Variants in ST6GAL1 observed in about 807,000 individuals in gnomAD.
The protein encoded by ST6GAL1 is ST6 beta-galactoside alpha-2,6-sialyltransferase 1.
Under a neutral mutation model 38.0 loss-of-function variants are expected in ST6GAL1, and 20 were observed. The observed-to-expected ratio is 0.53, with a 90% CI of 0.37 to 0.77. The LOEUF (loss-of-function observed/expected upper bound fraction) is 0.77, where lower values mean the gene tolerates loss of function less well. ST6GAL1 is among the 30% of genes least tolerant of loss of function. The pLI is 0.00. For synonymous variants in ST6GAL1, 196 were observed against 188.2 expected, an observed-to-expected ratio of 1.04 and a Z score of -0.34; for missense variants, 432 against 496.4, an observed-to-expected ratio of 0.87 and a Z score of 1.23.
intron 2 of ST6GAL1, among the ~76,000 whole-genome samples, chr3:187,033,388 G>A (rs1307116196): frequency 2.0e-5 from 3 of 151,456 alleles, no homozygotes; most frequent in South Asian, 4.2e-4. Context: ...TGCCTGGGCC[G>A]ACAGAGAGAG....
At chr3:186,999,558 T>C (rs1475412302) in intron 2 of ST6GAL1, among the ~76,000 whole-genome samples, 1 of 151,540 alleles carries the variant, frequency 6.6e-6, no homozygotes, top group Non-Finnish European at 1.5e-5. Context: ...ACTACAGGAG[T>C]GCACCACTGC....
At chr3:187,044,075 A>C (rs1158018507) in intron 4 of ST6GAL1, among the ~76,000 whole-genome samples, 1 of 152,206 alleles carries the variant, frequency 6.6e-6, no homozygotes, top group African/African-American at 2.4e-5. Context: ...TGTAGACTGC[A>C]GTTTATTCTC....
At chr3:186,936,672 G>A (rs939409944) in intron 1 of ST6GAL1, among the ~76,000 whole-genome samples, 1 of 152,108 alleles carries the variant, frequency 6.6e-6, no homozygotes, top group Non-Finnish European at 1.5e-5. Flanking sequence ...TGGGCACAGC[G>A]GCTCATGCCT....
chr3:187,069,137 T>C (rs1719274643), intron 5 of ST6GAL1, among the ~76,000 whole-genome samples: 1 of 149,378 alleles, frequency 6.7e-6, no homozygotes, highest in Admixed American at 6.7e-5. Flanking sequence ...AACTTCTTCT[T>C]TTTTTTTTTT....
chr3:187,047,975 C>T (rs569341815), intron 4 of ST6GAL1, among the ~76,000 whole-genome samples: 2 of 146,386 alleles, frequency 1.4e-5, no homozygotes, highest in Admixed American at 6.9e-5. Context: ...CAGAGTCTTG[C>T]TCTGTTGCCC....
chr3:186,984,917 C>T lies in ST6GAL1; in HGVS notation c.-183+20991C>T, dbSNP rs191468086. 2.9e-3 allele frequency among the ~76,000 whole-genome samples: 437 copies of T among 149,258 alleles called. 2 individuals are homozygous for T. The highest frequency in any genetic ancestry group is 0.01 in the African/African-American group (420 of 40,400). On this transcript the variant is annotated intron_variant, in intron 2 of 7. Coordinates refer to ENST00000169298, the MANE Select transcript of ST6GAL1 (RefSeq NM_173216.2). The stretch of plus-strand genomic sequence containing the variant: ...CTCTCTTTCTCTGTCTCTCTCTTTT[C>T]TTTCTTTCTGAGATAGGGTCTCGCT...
rs1055943182 is a variant in ST6GAL1 at position 186,952,949 on chromosome 3, A to C, written c.-324-10836A>C. 9.9e-5 allele frequency among the ~76,000 whole-genome samples: 15 copies of C among 152,196 alleles called. No homozygotes were observed. The highest frequency in any genetic ancestry group is 1.6e-4 in the Non-Finnish European group (11 of 68,038). On this transcript the variant is annotated intron_variant, in intron 1 of 7. Coordinates refer to ENST00000169298, the MANE Select transcript of ST6GAL1 (RefSeq NM_173216.2). The surrounding 1 kb of genome is among the most constrained non-coding windows in gnomAD (Gnocchi z 4.1). The stretch of plus-strand genomic sequence containing the variant: ...AGGGCTTAAACTCTGGAGTCATTCT[A>C]AATTCTCTTTCTCTCATGCTGCACC...
Position 187,042,753 on chromosome 3 carries a change from T to G in ST6GAL1, c.50T>G (p.Phe17Cys). 1.2e-6 allele frequency: 2 copies of G among 1,614,126 alleles called. No individual in the cohort carries two copies. Among genetic ancestry groups the G allele is most frequent in the Non-Finnish European group, 1.7e-6 (2 of 1,180,004 alleles). ...AAGTTCAGCTGCTGCGTCCTGGTCT[T>G]TCTTCTGTTTGCAGTCATCTGTGTG... ...KKKFSCCVLV[F>C]LLFAVICVWK... The change falls in exon 4 of 8, where the codon TTT becomes TGT. Residue 17 changes from phenylalanine to cysteine, a missense_variant. Transcript: ENST00000169298.
chr3:187,031,989 A>G (rs1387912222), intron 2 of ST6GAL1, among the ~76,000 whole-genome samples: 1 of 152,200 alleles, frequency 6.6e-6, no homozygotes, highest in African/African-American at 2.4e-5. Context: ...AATGGTAGCT[A>G]TTATTGCCAG....
intron 2 of ST6GAL1, among the ~76,000 whole-genome samples, chr3:187,013,849 T>C (rs749078036): frequency 3.9e-5 from 6 of 152,208 alleles, no homozygotes; most frequent in Non-Finnish European, 8.8e-5. Context: ...CCTCCCAACG[T>C]GCTGGGATTA....
intron 2 of ST6GAL1, among the ~76,000 whole-genome samples, chr3:186,980,377 G>T (rs191222673): frequency 6.6e-6 from 1 of 152,088 alleles, no homozygotes; most frequent in Admixed American, 6.6e-5. Flanking sequence ...TTAGCTGTTA[G>T]TATTATAATA....
chr3:186,953,810 GT>G (rs36103477), intron 1 of ST6GAL1, among the ~76,000 whole-genome samples: 32,114 of 144,280 alleles, frequency 0.22, 5,220 homozygotes, highest in African/African-American at 0.47. Context: ...ACACAGAGAG[GT>G]TTTTTTTTTT....
At chr3:187,019,537 G>A (rs1279054534) in intron 2 of ST6GAL1, among the ~76,000 whole-genome samples, 2 of 152,196 alleles carry the variant, frequency 1.3e-5, no homozygotes, top group Non-Finnish European at 2.9e-5. Flanking sequence ...GTAATTTACA[G>A]CAATAACTAT....
At chr3:187,032,873 A>G (rs930499003) in intron 2 of ST6GAL1, among the ~76,000 whole-genome samples, 1 of 152,166 alleles carries the variant, frequency 6.6e-6, no homozygotes, top group South Asian at 2.1e-4. Context: ...CCTCCTGGTC[A>G]TGAAGAGCTG....
intron 4 of ST6GAL1, among the ~76,000 whole-genome samples, chr3:187,044,498 C>T (rs532370931): frequency 6.6e-6 from 1 of 152,316 alleles, no homozygotes; most frequent in African/African-American, 2.4e-5. Context: ...CCCCGCTGGC[C>T]GGCCCCACCT....
At chr3:186,988,894 A>ACAGAGC (rs964839985) in intron 2 of ST6GAL1, among the ~76,000 whole-genome samples, 19 of 152,144 alleles carry the variant, frequency 1.2e-4, no homozygotes, top group African/African-American at 4.3e-4. Flanking sequence ...AGCCTGGGCG[A>ACAGAGC]CAGAGCCAGA....
chr3:186,983,463 T>C (rs1715761306), intron 2 of ST6GAL1, among the ~76,000 whole-genome samples: 1 of 152,112 alleles, frequency 6.6e-6, no homozygotes, highest in South Asian at 2.1e-4. Flanking sequence ...TCAGTTGGAA[T>C]CAACACTGTT....
At chr3:186,942,027 G>C (rs949337427) in intron 1 of ST6GAL1, among the ~76,000 whole-genome samples, 3 of 151,184 alleles carry the variant, frequency 2.0e-5, no homozygotes, top group African/African-American at 7.3e-5. Flanking sequence ...AAAAAAAAAA[G>C]TTGCAAGTAA....
rs756132824 is a variant in ST6GAL1 at position 187,075,694 on chromosome 3, C to T, written c.1112C>T (p.Pro371Leu). 1.9e-6 allele frequency: 3 copies of T among 1,614,218 alleles called. No homozygotes were observed. Among genetic ancestry groups the T allele is most frequent in the South Asian group, 2.2e-5 (2 of 91,090 alleles). Residue 371 changes from proline (P) to leucine (L), a missense_variant, in exon 8 of 8, where the codon CCG (proline) becomes CTG (leucine). Coordinates refer to ENST00000169298, the MANE Select transcript of ST6GAL1 (RefSeq NM_173216.2). This position sits in a 1 kb window ranked among gnomAD's most constrained non-coding sequence, Gnocchi z 4.1. ...DSACTMGAYH[P>L]LLYEKNLVKH... Reference sequence around the variant, plus strand: ...GCCTGCACGATGGGTGCCTACCACCCGCTGCTCTATGAGAAGAATTTGGTG... The same window carrying T: ...GCCTGCACGATGGGTGCCTACCACCTGCTGCTCTATGAGAAGAATTTGGTG...
Sources: gnomAD v4.1 joint callset for allele counts (sites outside exome capture counted in the v4.1 genomes callset) on GRCh38, gnomAD v4.1.1 for gene constraint, Gnocchi (gnomAD v3.1) non-coding constraint, MANE v1.5 for transcripts, NCBI Gene and HGNC (gene_info 2026-07-23, HGNC 2026-07-21) for gene names.